HTRA3: variants seen among roughly 807,000 people sequenced by gnomAD.
HTRA3 encodes serine protease HTRA3.
HTRA3 carries 41 observed loss-of-function variants against 43.2 expected under a neutral mutation model. That is an observed-to-expected ratio of 0.95 (90% CI 0.74 to 1.23). The LOEUF (loss-of-function observed/expected upper bound fraction) is 1.23, where lower values mean the gene tolerates loss of function less well. HTRA3 is among the 50% of genes most tolerant of loss of function. The probability of loss-of-function intolerance (pLI) is 0.00; values close to 1 mark genes in which losing one functional copy is unlikely to be tolerated. For synonymous variants in HTRA3, 295 were observed against 287.9 expected, an observed-to-expected ratio of 1.02 and a Z score of -0.25; for missense variants, 628 against 647.1, an observed-to-expected ratio of 0.97 and a Z score of 0.32.
chr4:8,285,791 C>T (rs894270018), intron 2 of HTRA3, among the ~76,000 whole-genome samples: 3 of 152,254 alleles, frequency 2.0e-5, no homozygotes, highest in Admixed American at 2.0e-4. Context: ...CCAGGCTGGC[C>T]TCATCTGTGC....
intron 7 of HTRA3, among the ~76,000 whole-genome samples, chr4:8,303,305 C>T (rs1316490038): frequency 6.6e-6 from 1 of 152,224 alleles, no homozygotes; most frequent in African/African-American, 2.4e-5. Context: ...GCCTCCTCGG[C>T]TGTCAGCTCC....
intron 3 of HTRA3, among the ~76,000 whole-genome samples, chr4:8,288,174 C>T (rs1457322102): frequency 1.3e-5 from 2 of 152,334 alleles, no homozygotes; most frequent in South Asian, 2.1e-4. Context: ...CCCTGCTTTT[C>T]AGACTTTTCA....
At chr4:8,292,079 G>T (rs1283378664) in intron 4 of HTRA3, among the ~76,000 whole-genome samples, 3 of 151,282 alleles carry the variant, frequency 2.0e-5, no homozygotes, top group Admixed American at 2.0e-4. Flanking sequence ...GGCCTCCGGG[G>T]TGTAGATGCC....
rs907887542 is a variant in HTRA3, at chr4:8,297,481, C to T, written c.1051+3280C>T. Among the ~76,000 whole-genome samples, 2 of 152,204 alleles carry T rather than the reference C, an allele frequency of 1.3e-5. No homozygotes were observed. Among genetic ancestry groups the T allele is most frequent in the South Asian group, 2.1e-4 (1 of 4,822 alleles). On this transcript the variant is annotated intron_variant, in intron 6 of 8. Transcript: ENST00000307358. The surrounding 1 kb of genome is among the most constrained non-coding windows in gnomAD (Gnocchi z 5.8). ...TCCCGCTTTCCTTCTAGCAGGGAGACGGGCCACAAAAACGCCCCCAGATGC... is the reference window on the plus strand; with the variant it reads ...TCCCGCTTTCCTTCTAGCAGGGAGATGGGCCACAAAAACGCCCCCAGATGC...
intron 8 of HTRA3, 80 bp from the exon 9 acceptor site, chr4:8,305,891 T>C (rs1713824752): frequency 6.7e-7 from 1 of 1,501,628 alleles, no homozygotes. Flanking sequence ...TGACCCTGAC[T>C]GTGCCTCGCT....
intron 5 of HTRA3, among the ~76,000 whole-genome samples, chr4:8,293,481 G>A (rs888462523): frequency 2.6e-5 from 4 of 152,150 alleles, no homozygotes; most frequent in Non-Finnish European, 5.9e-5. Context: ...GCCAGGCCCT[G>A]ACAGGGAGGG....
At position 8,270,232 on chromosome 4, in the gene HTRA3, C is replaced by T. The variant is rs1273900796; in HGVS notation, c.264C>T (p.Ala88=). 3.3e-6 allele frequency: 5 copies of T among 1,533,966 alleles called. No individual in the cohort carries two copies. Among genetic ancestry groups the T allele is most frequent in the Non-Finnish European group, 4.3e-6 (5 of 1,151,340 alleles). The change falls in exon 1 of 9, where the codon GCC becomes GCT. Residue 88 remains alanine (A), a synonymous_variant. Transcript: ENST00000307358. ...RGLCRCRWSH[A]VCGTDGHTYA... ...TATGCCGCTGCCGCTGGTCGCACGC[C>T]GTGTGTGGCACCGACGGGCACACCT...
chr4:8,301,024 CTTT>C (rs1214018549), intron 6 of HTRA3, among the ~76,000 whole-genome samples: 3 of 144,382 alleles, frequency 2.1e-5, no homozygotes, highest in South Asian at 2.3e-4. Context: ...TCACACTCAT[CTTT>C]ATTATTGATT....
chr4:8,272,103 C>A (rs567506317), intron 1 of HTRA3, among the ~76,000 whole-genome samples: 2 of 152,178 alleles, frequency 1.3e-5, no homozygotes, highest in Admixed American at 6.5e-5. Flanking sequence ...CTCCCCACCC[C>A]GCTCCCCACC....
At chr4:8,304,056 C>T (rs1713751195) in intron 7 of HTRA3, 128 bp from the exon 8 acceptor site, 2 of 656,944 alleles carry the variant, frequency 3.0e-6, no homozygotes, top group Non-Finnish European at 5.3e-6. Flanking sequence ...AGTGGTGGGA[C>T]AGGGCAGTAT....
At chr4:8,291,671 C>T (rs4235257) in intron 4 of HTRA3, 107 bp downstream of exon 4, 359,860 of 760,840 alleles carry the variant, frequency 0.47, 86,723 homozygotes, top group East Asian at 0.71. Flanking sequence ...GCCATTCTGG[C>T]ACTCGACACA....
rs965770747 is a variant in HTRA3, at chr4:8,294,194, G to T, written c.1044G>T (p.Gln348His). ...TRFLTEFQDK[Q>H]IKDWKKRFIG... ...TCCTCACAGAGTTCCAAGACAAGCA[G>T]ATCAAAGGTAAAGAGCTCACCTGGA... The change falls in exon 6 of 9, where the codon CAG becomes CAT. Residue 348 changes from glutamine to histidine, a missense_variant. Gln to His is a conservative substitution (Grantham distance 24). Transcript: ENST00000307358. 6.2e-7 allele frequency: 1 copy of T among 1,610,314 alleles called. No homozygotes were observed. Among genetic ancestry groups the T allele is most frequent in the East Asian group, 2.2e-5 (1 of 44,736 alleles).
rs911902467 is a variant in HTRA3, at chr4:8,270,319, C to T, written c.351C>T (p.Pro117=). 4.8e-6 allele frequency: 7 copies of T among 1,452,356 alleles called. No individual in the cohort carries two copies. The highest frequency in any genetic ancestry group is 1.5e-5 in the African/African-American group (1 of 67,260). 90.0% of individuals were successfully genotyped at this position (1,452,356 alleles called of 1,614,324 possible). ...GCGCGCTGCAGCTCTCCGGGACGCC[C>T]GTGCGCCAGCTGCAGAAGGGCGCCT... ...SRRALQLSGT[P]VRQLQKGACP... Residue 117 remains proline (P), a synonymous_variant, in exon 1 of 9, where the codon CCC becomes CCT. Coordinates refer to ENST00000307358, the MANE Select transcript of HTRA3 (RefSeq NM_053044.5).
At chr4:8,298,286 G>A (rs987135290) in intron 6 of HTRA3, among the ~76,000 whole-genome samples, 1 of 152,218 alleles carries the variant, frequency 6.6e-6, no homozygotes. Context: ...CTCCCACATG[G>A]TTTATTCATC....
At chr4:8,278,578 C>T (rs896066510) in intron 1 of HTRA3, among the ~76,000 whole-genome samples, 3 of 152,160 alleles carry the variant, frequency 2.0e-5, no homozygotes, top group African/African-American at 7.2e-5. Context: ...TCCTCCCTTC[C>T]CCCTGATTCA....
chr4:8,298,213 T>G (rs749997285), intron 6 of HTRA3, among the ~76,000 whole-genome samples: 4 of 152,134 alleles, frequency 2.6e-5, no homozygotes, highest in African/African-American at 9.7e-5. Flanking sequence ...CAAGGCCAAA[T>G]CCAAAGCCTT....
chr4:8,283,025 A>G (rs934421670), intron 2 of HTRA3, among the ~76,000 whole-genome samples: 37 of 152,270 alleles, frequency 2.4e-4, no homozygotes, highest in Non-Finnish European at 4.7e-4. Flanking sequence ...GGGCCAGTGG[A>G]TGCAGGGCAG....
At position 8,286,669 on chromosome 4, in the gene HTRA3, T is replaced by C; in HGVS notation, c.594T>C (p.Ala198=). ...CCCACGTGGTGTCCAGCAACAGTGCTGCCCCGGGCAGGCAGCAGCTCAAGG... is the reference window on the plus strand; with the variant it reads ...CCCACGTGGTGTCCAGCAACAGTGCCGCCCCGGGCAGGCAGCAGCTCAAGG... ...TNAHVVSSNS[A]APGRQQLKVQ... is the part of the protein sequence containing the mutation. Residue 198 remains alanine (A), a synonymous_variant, in exon 3 of 9, where the codon GCT becomes GCC. Coordinates refer to ENST00000307358, the MANE Select transcript of HTRA3 (RefSeq NM_053044.5). The surrounding 1 kb of genome is among the most constrained non-coding windows in gnomAD (Gnocchi z 4.9). 6.2e-7 allele frequency: 1 copy of C among 1,614,194 alleles called. No individual in the cohort carries two copies. The highest frequency in any genetic ancestry group is 8.5e-7 in the Non-Finnish European group (1 of 1,180,038).
Position 8,306,383 on chromosome 4 carries a change from A to G in HTRA3, c.*247A>G. On this transcript the variant is annotated 3_prime_UTR_variant, in exon 9 of 9. Coordinates refer to ENST00000307358, the MANE Select transcript of HTRA3 (RefSeq NM_053044.5). This position sits in a 1 kb window ranked among gnomAD's most constrained non-coding sequence, Gnocchi z 8.9. ...CCTTGTACAGATGATCCTGAAAGTC[A>G]CTTCCAAGTTCTCCGGATATTCACA... The G allele has an allele frequency of 2.4e-6, 1 of 422,052 alleles. No homozygotes were observed. Among genetic ancestry groups the G allele is most frequent in the Non-Finnish European group, 4.2e-6 (1 of 236,534 alleles). The allele number at this position is 422,052 out of a possible 1,614,324, so 26.1% of individuals were successfully genotyped here. A position where few individuals can be genotyped will look rare whatever the true frequency, so the allele number is the denominator to read the frequency against.
Sources: allele counts gnomAD v4.1 joint callset (sites outside exome capture counted in the v4.1 genomes callset), GRCh38; gene constraint gnomAD v4.1.1; non-coding constraint Gnocchi (gnomAD v3.1); transcripts MANE v1.5; gene names NCBI Gene and HGNC (gene_info 2026-07-23, HGNC 2026-07-21).